The following DHRS7C variants were observed in gnomAD, a reference collection of about 807,000 sequenced individuals.
DHRS7C encodes dehydrogenase/reductase SDR family member 7C.
In DHRS7C, 28 loss-of-function variants were observed where a neutral mutation model predicts 29.6. The observed-to-expected ratio is 0.95, with a 90% confidence interval of 0.70 to 1.30. DHRS7C has a LOEUF of 1.30. Among genes scored for constraint, DHRS7C ranks in the 50% most tolerant of loss-of-function variants. The probability of loss-of-function intolerance (pLI) is 0.00; values close to 1 mark genes in which losing one functional copy is unlikely to be tolerated. For missense variants in DHRS7C, 403 were observed against 393.3 expected (o/e 1.02, Z -0.21); for synonymous variants, 158 against 160.2 (o/e 0.99, Z 0.10).
chr17:9,788,887 C>G (rs1309057933), intron 1 of DHRS7C, among the ~76,000 whole-genome samples: 1 of 152,018 alleles, frequency 6.6e-6, no homozygotes, highest in Non-Finnish European at 1.5e-5. Context: ...TTTTTTTCTT[C>G]TTTGCATTTC....
At chr17:9,773,556 T>G (rs2066343825) in intron 4 of DHRS7C, among the ~76,000 whole-genome samples, 1 of 152,010 alleles carries the variant, frequency 6.6e-6, no homozygotes, top group South Asian at 2.1e-4. Flanking sequence ...TGGGGTGTGA[T>G]GCACCCCAAC....
chr17:9,772,651 C>T (rs908284070), intron 5 of DHRS7C, 116 bp downstream of exon 5: 30 of 1,355,038 alleles, frequency 2.2e-5, no homozygotes, highest in African/African-American at 1.6e-4. Context: ...GCCTCCTCCA[C>T]CCCCATCCCC....
At chr17:9,784,309 A>G (rs921918156) in intron 1 of DHRS7C, among the ~76,000 whole-genome samples, 1 of 152,154 alleles carries the variant, frequency 6.6e-6, no homozygotes, top group Non-Finnish European at 1.5e-5. Flanking sequence ...CGTCTCTACT[A>G]AAACTACAAA....
chr17:9,788,364 C>G (rs7210684), intron 1 of DHRS7C, among the ~76,000 whole-genome samples: 19,906 of 151,940 alleles, frequency 0.13, 1,672 homozygotes, highest in Non-Finnish European at 0.2. Flanking sequence ...GAGCCCCCAC[C>G]CCCAGCTAAT....
chr17:9,786,187 C>T lies in DHRS7C; in HGVS notation c.155-4593G>A, dbSNP rs184839971. ...AAAATACAAAAAAATATTAGCCGGG[C>T]ATGGTGGCAGGTGCCTGTAATCCCA... On this transcript the variant is annotated intron_variant, in intron 1 of 5. Transcript: ENST00000571134. Among the ~76,000 whole-genome samples the T allele has an allele frequency of 3.3e-5, 5 of 151,916 alleles. No individual in the cohort carries two copies. In the East Asian group the frequency reaches 9.7e-4, roughly 29 times the overall value.
intron 2 of DHRS7C, among the ~76,000 whole-genome samples, 200 bp downstream of exon 2, chr17:9,781,282 T>G (rs2066391499): frequency 1.3e-5 from 2 of 152,206 alleles, no homozygotes; most frequent in Admixed American, 1.3e-4. Flanking sequence ...GAACATGATT[T>G]TGTCATGGTG....
intron 1 of DHRS7C, among the ~76,000 whole-genome samples, chr17:9,790,884 C>A (rs1372038798): frequency 6.6e-6 from 1 of 152,218 alleles, no homozygotes; most frequent in African/African-American, 2.4e-5. Context: ...CATCTGCAGA[C>A]CAGTTTTAGC....
chr17:9,777,228 A>C lies in DHRS7C; in HGVS notation c.536T>G (p.Ile179Ser), dbSNP rs141670854. ...RTGQIVLVNNIQGKFGIPFRT... is the reference protein window; with the variant it reads ...RTGQIVLVNNSQGKFGIPFRT... ...GAACGGGATTCCAAACTTCCCTTGG[A>C]TATTATTCACTAACACGATTTGGCC... The change falls in exon 4 of 6, where the codon ATC (isoleucine) becomes AGC (serine). Residue 179 changes from isoleucine to serine, a missense_variant. Physicochemically the swap from Ile to Ser is moderately radical, Grantham distance 142. Coordinates refer to ENST00000571134, the MANE Select transcript of DHRS7C (RefSeq NM_001105571.3). The C allele has an allele frequency of 6.2e-7, 1 of 1,613,800 alleles. No individual in the cohort carries two copies. The highest frequency in any genetic ancestry group is 1.3e-5 in the African/African-American group (1 of 75,036).
In DHRS7C at chr17:9,783,947, GT is replaced by G. The variant is rs777520888; in HGVS notation, c.155-2354del. 4.0e-5 allele frequency among the ~76,000 whole-genome samples: 5 copies of G among 125,986 alleles called. No homozygotes were observed. In the South Asian group the frequency reaches 1.0e-3, roughly 26 times the overall value. The allele number at this position is 125,986 out of a possible 152,430, so 82.7% of individuals were successfully genotyped here. A position where few individuals can be genotyped will look rare whatever the true frequency, so the allele number is the denominator to read the frequency against. ...CAGAGTGAGACTCTGTTTTTTTTTT[GT>G]TTTTTTGTTTTTTTTTTTAAAATGG... On this transcript the variant is annotated intron_variant, in intron 1 of 5. Coordinates refer to ENST00000571134, the MANE Select transcript of DHRS7C (RefSeq NM_001105571.3).
In DHRS7C at chr17:9,777,245, G is replaced by A. The variant is rs376096593; in HGVS notation, c.519C>T (p.Ile173=). Reference sequence around the variant, plus strand: ...TCCCTTGGATATTATTCACTAACACGATTTGGCCTGTTCTCCGGGAGATCA... The same window carrying A: ...TCCCTTGGATATTATTCACTAACACAATTTGGCCTGTTCTCCGGGAGATCA... ...PNMISRRTGQ[I]VLVNNIQGKF... The change falls in exon 4 of 6, where the codon ATC becomes ATT. Residue 173 remains isoleucine (I), a synonymous_variant. Transcript: ENST00000571134. 7.4e-6 allele frequency: 12 copies of A among 1,613,690 alleles called. No individual in the cohort carries two copies. Among genetic ancestry groups the A allele is most frequent in the South Asian group, 6.6e-5 (6 of 91,040 alleles).
At chr17:9,781,691 A>G in intron 1 of DHRS7C, 97 bp from the exon 2 acceptor site, 2 of 1,215,708 alleles carry the variant, frequency 1.6e-6, no homozygotes, top group Non-Finnish European at 1.2e-6. Flanking sequence ...CAAAAAACTC[A>G]GAAGTCTTAG....
intron 5 of DHRS7C, 96 bp from the exon 6 acceptor site, chr17:9,771,792 G>C (rs916744387): frequency 2.5e-6 from 3 of 1,209,096 alleles, no homozygotes; most frequent in Non-Finnish European, 3.2e-6. Flanking sequence ...GGCGGGAAGC[G>C]TGGGCTGTCC....
chr17:9,781,592 A>G lies in DHRS7C; in HGVS notation c.157T>C (p.Cys53Arg). 1 of 1,613,550 alleles carries G rather than the reference A, an allele frequency of 6.2e-7. No individual in the cohort carries two copies. The highest frequency in any genetic ancestry group is 8.5e-7 in the Non-Finnish European group (1 of 1,179,834). Residue 53 changes from cysteine (C) to arginine (R), a missense_variant and splice_region_variant, in exon 2 of 6, where the codon TGT becomes CGT. Cys to Arg is a radical substitution (Grantham distance 180, BLOSUM62 -3). Transcript: ENST00000571134. ...CCACCTGTGTGGAACACCCGAGCAC[A>G]CTCTGTGGGGAAGAAGGAAACAGGG... ...TDAISGLGKE[C>R]ARVFHTGGAR...
intron 1 of DHRS7C, among the ~76,000 whole-genome samples, chr17:9,786,556 G>A (rs2066425286): frequency 1.3e-5 from 2 of 152,024 alleles, no homozygotes; most frequent in African/African-American, 4.8e-5. Context: ...ATGTCCCCAA[G>A]CACGTGGGGT....
chr17:9,778,207 C>T (rs1312123918), intron 3 of DHRS7C, among the ~76,000 whole-genome samples: 5 of 151,780 alleles, frequency 3.3e-5, no homozygotes, highest in Admixed American at 1.3e-4. Context: ...CTGGCTAACA[C>T]GGTGAAACCC....
chr17:9,784,957 G>A (rs563201117), intron 1 of DHRS7C, among the ~76,000 whole-genome samples: 303 of 152,302 alleles, frequency 2.0e-3, no homozygotes, highest in Non-Finnish European at 3.7e-3. Context: ...TGTTGAATAC[G>A]ATGCCATAAC....
chr17:9,789,501 C>T (rs1332910302), intron 1 of DHRS7C, among the ~76,000 whole-genome samples: 1 of 152,122 alleles, frequency 6.6e-6, no homozygotes, highest in African/African-American at 2.4e-5. Context: ...ACACAGGCTC[C>T]AGCACCAGGA....
intron 2 of DHRS7C, among the ~76,000 whole-genome samples, chr17:9,780,381 A>G (rs1467534141): frequency 6.6e-6 from 1 of 152,016 alleles, no homozygotes; most frequent in Non-Finnish European, 1.5e-5. Flanking sequence ...TACTTTTAAC[A>G]TTTCTGAGCC....
chr17:9,781,410 G>GCA, intron 2 of DHRS7C, 72 bp downstream of exon 2: 1 of 1,425,676 alleles, frequency 7.0e-7, no homozygotes, highest in South Asian at 1.2e-5. Context: ...TGGTCCAAGA[G>GCA]CTGGTCCTGA....
Sources: gnomAD v4.1 joint callset for allele counts (sites outside exome capture counted in the v4.1 genomes callset) on GRCh38, gnomAD v4.1.1 for gene constraint, MANE v1.5 for transcripts, NCBI Gene and HGNC (gene_info 2026-07-23, HGNC 2026-07-21) for gene names.